TMED8: variants seen among roughly 807,000 people sequenced by gnomAD.
TMED8 encodes the protein protein TMED8.
Under a neutral mutation model 32.7 loss-of-function variants are expected in TMED8, and 15 were observed. That is an observed-to-expected ratio of 0.46 (90% CI 0.31 to 0.71). The LOEUF is 0.71. Among genes scored for constraint, TMED8 ranks in the 30% least tolerant of loss-of-function variants. The pLI, the probability that TMED8 is intolerant of heterozygous loss-of-function variation, is 0.06. For synonymous variants in TMED8, 147 were observed against 161.4 expected (o/e 0.91, Z 0.68); for missense variants, 390 against 423.9 (o/e 0.92, Z 0.70).
At chr14:77,348,230 CTTTT>C (rs11374350) in intron 2 of TMED8, among the ~76,000 whole-genome samples, 1 of 148,356 alleles carries the variant, frequency 6.7e-6, no homozygotes, top group Non-Finnish European at 1.5e-5. Context: ...GTTTTAATTT[CTTTT>C]TTTTTTTGAG....
chr14:77,352,130 T>C (rs1388366540), intron 1 of TMED8, among the ~76,000 whole-genome samples: 5 of 151,342 alleles, frequency 3.3e-5, no homozygotes. Flanking sequence ...CAAGACCCTG[T>C]CTCTAAAAAA....
chr14:77,341,439 T>C lies in TMED8; in HGVS notation c.*332A>G. 1 of 321,006 alleles carries C rather than the reference T, an allele frequency of 3.1e-6. No homozygotes were observed. The allele number at this position is 321,006 out of a possible 1,614,324, so 19.9% of individuals were successfully genotyped here. ...GAGGAGAGGGCAGCAATCTGAATGA[T>C]AAACCTGTGCCAAGATGAATCTATT... On this transcript the variant is annotated 3_prime_UTR_variant, in exon 6 of 6. Coordinates refer to ENST00000216468, the MANE Select transcript of TMED8 (RefSeq NM_213601.3).
intron 1 of TMED8, among the ~76,000 whole-genome samples, chr14:77,372,938 ATATATATATATATATTTTTTTT>A (rs1893718524): frequency 7.1e-5 from 2 of 27,992 alleles, no homozygotes; most frequent in Non-Finnish European, 1.2e-4. Flanking sequence ...ATATATATAT[ATATATATATATATATTTTTTTT>A]TTTTTTTTTT....
At chr14:77,362,427 A>T (rs887429787) in intron 1 of TMED8, among the ~76,000 whole-genome samples, 8 of 152,142 alleles carry the variant, frequency 5.3e-5, no homozygotes, top group Non-Finnish European at 1.0e-4. Context: ...TTCTAACTAC[A>T]ATTTATTCTA....
chr14:77,376,256 G>C lies in TMED8; in HGVS notation c.118+680C>G, dbSNP rs1893812117. Among the ~76,000 whole-genome samples the C allele has an allele frequency of 6.6e-6, 1 of 152,300 alleles. No homozygotes were observed. The highest frequency in any genetic ancestry group is 1.5e-5 in the Non-Finnish European group (1 of 68,012). On this transcript the variant is annotated intron_variant, in intron 1 of 5. Coordinates refer to ENST00000216468, the MANE Select transcript of TMED8 (RefSeq NM_213601.3). The surrounding 1 kb of genome is among the most constrained non-coding windows in gnomAD (Gnocchi z 4.0). The stretch of plus-strand genomic sequence containing the variant: ...TCGTCCTGGACAAGAAGAGGATGAG[G>C]GTCTTGAGAATGAGGGAGGTAGGCC...
At chr14:77,348,728 T>C (rs1893108043) in intron 2 of TMED8, among the ~76,000 whole-genome samples, 1 of 145,380 alleles carries the variant, frequency 6.9e-6, no homozygotes, top group Admixed American at 7.2e-5. Context: ...AGTTTATTAG[T>C]TTGTTTCTTT....
In TMED8 at chr14:77,377,001, C is replaced by T. The variant is rs746498616; in HGVS notation, c.53G>A (p.Arg18His). Residue 18 changes from arginine to histidine, a missense_variant, in exon 1 of 6, where the codon CGC becomes CAC. Transcript: ENST00000216468. The stretch of plus-strand genomic sequence containing the variant: ...CCCGACGCCGCCAGCCGACCCTGGG[C>T]GGGCTGTGGGGCTCCAGGAGCCCGG... The part of the protein sequence containing the change: ...EGPGSWSPTA[R>H]PGSAGGVGDC... 1.4e-6 allele frequency: 2 copies of T among 1,433,950 alleles called. No individual in the cohort carries two copies. The highest frequency in any genetic ancestry group is 3.0e-5 in the Admixed American group (1 of 33,784). The allele number at this position is 1,433,950 out of a possible 1,614,324, so 88.8% of individuals were successfully genotyped here. A position where few individuals can be genotyped will look rare whatever the true frequency, so the allele number is the denominator to read the frequency against.
intron 1 of TMED8, among the ~76,000 whole-genome samples, chr14:77,355,787 ATTGTG>A (rs1431660606): frequency 6.6e-6 from 1 of 152,162 alleles, no homozygotes; most frequent in Non-Finnish European, 1.5e-5. Context: ...ATCAAGGTAC[ATTGTG>A]TTGGCCATAG....
intron 1 of TMED8, among the ~76,000 whole-genome samples, chr14:77,361,651 G>C (rs1323776058): frequency 6.6e-6 from 1 of 152,066 alleles, no homozygotes. Context: ...ATATTGTTTT[G>C]GGTAGTATGA....
chr14:77,368,906 T>G (rs909729131), intron 1 of TMED8, among the ~76,000 whole-genome samples: 1 of 152,224 alleles, frequency 6.6e-6, no homozygotes, highest in Admixed American at 6.5e-5. Flanking sequence ...AGTACTTTTG[T>G]GTACTCAAAA....
intron 1 of TMED8, among the ~76,000 whole-genome samples, chr14:77,353,338 G>C (rs1893220869): frequency 6.6e-6 from 1 of 152,058 alleles, no homozygotes; most frequent in Admixed American, 6.6e-5. Context: ...GAGTTTGGTA[G>C]CAAACTCAAA....
intron 1 of TMED8, among the ~76,000 whole-genome samples, chr14:77,373,170 A>G (rs568436557): frequency 4.3e-4 from 65 of 150,916 alleles, no homozygotes; most frequent in African/African-American, 1.6e-3. Flanking sequence ...CCTTAGAACC[A>G]TGAACAAGTT....
At chr14:77,348,140 T>C (rs568816759) in intron 2 of TMED8, among the ~76,000 whole-genome samples, 1 of 152,368 alleles carries the variant, frequency 6.6e-6, no homozygotes, top group South Asian at 2.1e-4. Context: ...TAGTTGTTTT[T>C]AAGTAAAAAC....
intron 1 of TMED8, among the ~76,000 whole-genome samples, chr14:77,375,337 GA>G (rs922332231): frequency 2.1e-4 from 32 of 149,908 alleles, no homozygotes; most frequent in African/African-American, 6.4e-4. Context: ...ATGTCAGGGG[GA>G]AAAAAAAACA....
intron 1 of TMED8, among the ~76,000 whole-genome samples, chr14:77,356,973 G>A (rs1893303185): frequency 6.6e-6 from 1 of 152,192 alleles, no homozygotes; most frequent in Admixed American, 6.5e-5. Context: ...TAGATGTAGA[G>A]CTTCACTGTC....
At position 77,366,080 on chromosome 14, in the gene TMED8, T is replaced by A. The variant is rs998996442; in HGVS notation, c.118+10856A>T. 2.6e-5 allele frequency among the ~76,000 whole-genome samples: 4 copies of A among 152,190 alleles called. No individual in the cohort carries two copies. The South Asian group carries it at 8.3e-4, about 32-fold the overall frequency. Reference sequence around the variant, plus strand: ...TATTCTACTGAAAATCTGGATCAAGTTTAATGGTCTCCAAATTCTGGATTA... The same window carrying A: ...TATTCTACTGAAAATCTGGATCAAGATTAATGGTCTCCAAATTCTGGATTA... On this transcript the variant is annotated intron_variant, in intron 1 of 5. Coordinates refer to ENST00000216468, the MANE Select transcript of TMED8 (RefSeq NM_213601.3).
intron 1 of TMED8, among the ~76,000 whole-genome samples, chr14:77,353,420 TTTTTC>T (rs1041855840): frequency 1.7e-4 from 26 of 151,568 alleles, no homozygotes; most frequent in East Asian, 5.8e-4. Flanking sequence ...ACAAGATCTA[TTTTTC>T]TTTTCTTTTC....
At chr14:77,350,024 C>G (rs1219023891) in intron 2 of TMED8, among the ~76,000 whole-genome samples, 1 of 152,248 alleles carries the variant, frequency 6.6e-6, no homozygotes, top group Non-Finnish European at 1.5e-5. Context: ...CTAATACCAA[C>G]TGGTGGTTCC....
intron 1 of TMED8, among the ~76,000 whole-genome samples, chr14:77,370,101 G>C (rs976164042): frequency 4.6e-5 from 7 of 151,006 alleles, no homozygotes; most frequent in Non-Finnish European, 4.4e-5. Flanking sequence ...GAACCCAGAA[G>C]GCGGAGGTTG....
Sources: gnomAD v4.1 joint callset for allele counts (sites outside exome capture counted in the v4.1 genomes callset) on GRCh38, gnomAD v4.1.1 for gene constraint, Gnocchi (gnomAD v3.1) non-coding constraint, MANE v1.5 for transcripts, NCBI Gene and HGNC (gene_info 2026-07-23, HGNC 2026-07-21) for gene names.